Variants in TBC1D10A observed in about 807,000 individuals in gnomAD.
The protein encoded by TBC1D10A is TBC1 domain family member 10A, also known as EBP50-PDX interactor of 64 kDa.
A neutral mutation model predicts 52.9 loss-of-function variants in TBC1D10A; 24 were observed. The ratio of observed to expected loss-of-function variants is 0.45; its 90% confidence interval spans 0.33 to 0.64. The LOEUF (loss-of-function observed/expected upper bound fraction) is 0.64, where lower values mean the gene tolerates loss of function less well. TBC1D10A is among the 30% of genes least tolerant of loss of function. The pLI is 0.02. For synonymous variants in TBC1D10A, 278 were observed against 282.9 expected, an observed-to-expected ratio of 0.98 and a Z score of 0.17; for missense variants, 602 against 687.9, an observed-to-expected ratio of 0.88 and a Z score of 1.40.
Position 30,292,849 on chromosome 22 carries a change from C to T in TBC1D10A, c.1053G>A (p.Val351=). 1 of 1,610,904 alleles carries T rather than the reference C, an allele frequency of 6.2e-7. No homozygotes were observed. The highest frequency in any genetic ancestry group is 8.5e-7 in the Non-Finnish European group (1 of 1,179,898). ...GGCGCTCTGTCACGGGCAACTCCAC[C>T]ACCTGCAGGGGCAGTGACACAGGCA... ...IMQEAFLVQE[V]VELPVTERQI... The change falls in exon 9 of 9, where the codon GTG becomes GTA. Residue 351 remains valine (V), a splice_region_variant and synonymous_variant. Coordinates refer to ENST00000215790, the MANE Select transcript of TBC1D10A (RefSeq NM_031937.3).
chr22:30,316,189 C>A (rs1930532222), intron 1 of TBC1D10A, among the ~76,000 whole-genome samples: 1 of 152,216 alleles, frequency 6.6e-6, no homozygotes, highest in South Asian at 2.1e-4. Flanking sequence ...CGATCCTGCA[C>A]ACAAAGAGAA....
At chr22:30,301,162 A>G (rs1930194710) in intron 2 of TBC1D10A, among the ~76,000 whole-genome samples, 1 of 152,164 alleles carries the variant, frequency 6.6e-6, no homozygotes, top group Admixed American at 6.5e-5. Flanking sequence ...TACTTTCTAC[A>G]TCACCAGTGG....
At chr22:30,308,827 T>C (rs1930370387) in intron 1 of TBC1D10A, among the ~76,000 whole-genome samples, 1 of 152,222 alleles carries the variant, frequency 6.6e-6, no homozygotes, top group Non-Finnish European at 1.5e-5. Flanking sequence ...TTAGAAATTG[T>C]ACGTGTCCCT....
chr22:30,310,503 C>T (rs1930402697), intron 1 of TBC1D10A, among the ~76,000 whole-genome samples: 1 of 152,190 alleles, frequency 6.6e-6, no homozygotes, highest in Non-Finnish European at 1.5e-5. Context: ...AGCTCTACCG[C>T]TTTACAGCTG....
chr22:30,313,239 G>A (rs926770860), intron 1 of TBC1D10A, among the ~76,000 whole-genome samples: 14 of 152,168 alleles, frequency 9.2e-5, no homozygotes, highest in African/African-American at 2.7e-4. Context: ...GTTCTGCAGA[G>A]GCAGCATTTC....
At chr22:30,303,310 C>CAGACAGAT (rs1930244294) in intron 2 of TBC1D10A, among the ~76,000 whole-genome samples, 2 of 86,002 alleles carry the variant, frequency 2.3e-5, no homozygotes, top group Non-Finnish European at 6.1e-5. Context: ...GATAGATAGA[C>CAGACAGAT]AGACAGACAG....
chr22:30,310,705 TTTAA>T (rs2145777147), intron 1 of TBC1D10A, among the ~76,000 whole-genome samples: 1 of 152,330 alleles, frequency 6.6e-6, no homozygotes, highest in African/African-American at 2.4e-5. Flanking sequence ...AGGAAATAGC[TTTAA>T]TTATCTCCAT....
At chr22:30,303,230 G>T (rs1287833575) in intron 2 of TBC1D10A, among the ~76,000 whole-genome samples, 3 of 152,230 alleles carry the variant, frequency 2.0e-5, no homozygotes, top group African/African-American at 7.2e-5. Context: ...AGTGAGCCAA[G>T]ATCATACTGC....
At position 30,304,511 on chromosome 22, in the gene TBC1D10A, C is replaced by A; in HGVS notation, c.309+20G>T. Reference sequence around the variant, plus strand: ...CAAGCTGCCAACTCCCAGCCCAATACCTGAGGCCAGGCCCCTCACCTTTTT... The same window carrying A: ...CAAGCTGCCAACTCCCAGCCCAATAACTGAGGCCAGGCCCCTCACCTTTTT... On this transcript the variant is annotated intron_variant, in intron 2 of 8. Coordinates refer to ENST00000215790, the MANE Select transcript of TBC1D10A (RefSeq NM_031937.3). 3.1e-6 allele frequency: 5 copies of A among 1,614,066 alleles called. No individual in the cohort carries two copies. Among genetic ancestry groups the A allele is most frequent in the Non-Finnish European group, 4.2e-6 (5 of 1,179,946 alleles).
At chr22:30,296,804 A>T (rs1383351733) in intron 3 of TBC1D10A, 1 of 152,224 alleles carries the variant, frequency 6.6e-6, no homozygotes, top group Non-Finnish European at 1.5e-5. Context: ...TTCATACCTC[A>T]ATTTTTAAAA....
At position 30,293,681 on chromosome 22, in the gene TBC1D10A, C is replaced by A. The variant is rs369483547; in HGVS notation, c.1020G>T (p.Lys340Asn). 2 of 1,612,054 alleles carry A rather than the reference C, an allele frequency of 1.2e-6. No individual in the cohort carries two copies. Among genetic ancestry groups the A allele is most frequent in the African/African-American group, 1.3e-5 (1 of 74,926 alleles). The change falls in exon 8 of 9, where the codon AAG (lysine) becomes AAT (asparagine). Residue 340 changes from lysine to asparagine, a missense_variant. By Grantham distance (94) the Lys-to-Asn change is moderately conservative. Coordinates refer to ENST00000215790, the MANE Select transcript of TBC1D10A (RefSeq NM_031937.3). The stretch of plus-strand genomic sequence containing the variant: ...GGACCAGAAAGGCCTCCTGCATGAT[C>A]TTGGGGCTGAGGCTCCGCAGTCGCT... ...TIERLRSLSPKIMQEAFLVQE... is the reference protein window; with the variant it reads ...TIERLRSLSPNIMQEAFLVQE...
chr22:30,293,867 C>T (rs1569158586), intron 7 of TBC1D10A, 54 bp downstream of exon 7: 4 of 1,602,256 alleles, frequency 2.5e-6, no homozygotes, highest in Non-Finnish European at 3.4e-6. Context: ...CAAAGAGAGG[C>T]CCCACTGTGG....
At chr22:30,318,743 AG>A (rs1930589584) in intron 1 of TBC1D10A, 2 of 470,156 alleles carry the variant, frequency 4.3e-6, no homozygotes, top group African/African-American at 4.0e-5. Flanking sequence ...GACCTCTTCC[AG>A]GTCTCACCAC....
chr22:30,301,383 G>A (rs996765177), intron 2 of TBC1D10A, among the ~76,000 whole-genome samples: 1 of 152,202 alleles, frequency 6.6e-6, no homozygotes, highest in Non-Finnish European at 1.5e-5. Context: ...AAGAACATCT[G>A]GATGTGGGTT....
intron 1 of TBC1D10A, among the ~76,000 whole-genome samples, chr22:30,324,353 T>C (rs566738932): frequency 6.6e-6 from 1 of 152,136 alleles, no homozygotes; most frequent in African/African-American, 2.4e-5. Flanking sequence ...ATAAATTAAG[T>C]AGGGAACATC....
At position 30,297,959 on chromosome 22, in the gene TBC1D10A, C is replaced by T. The variant is rs981321618; in HGVS notation, c.417+1485G>A. The T allele has an allele frequency of 6.6e-6, 1 of 152,236 alleles. No individual in the cohort carries two copies. The highest frequency in any genetic ancestry group is 2.4e-5 in the African/African-American group (1 of 41,420). 9.4% of individuals were successfully genotyped at this position (152,236 alleles called of 1,614,324 possible). On this transcript the variant is annotated intron_variant, in intron 3 of 8. Coordinates refer to ENST00000215790, the MANE Select transcript of TBC1D10A (RefSeq NM_031937.3). The surrounding 1 kb of genome is among the most constrained non-coding windows in gnomAD (Gnocchi z 4.3). ...CAGCCCCCAGAACCATGCAGGAACC[C>T]GTCACTCAGCTTCGGTGCATCAAGA...
In TBC1D10A at chr22:30,294,807, T is replaced by C. The variant is rs1193414100; in HGVS notation, c.694A>G (p.Ser232Gly). 2 of 1,614,014 alleles carry C rather than the reference T, an allele frequency of 1.2e-6. No individual in the cohort carries two copies. The highest frequency in any genetic ancestry group is 8.5e-7 in the Non-Finnish European group (1 of 1,180,044). Residue 232 changes from serine (S) to glycine (G), a missense_variant, in exon 6 of 9, where the codon AGC becomes GGC. Transcript: ENST00000215790. ...ICEKYLPGYY[S>G]EKLEAIQLDG... is the part of the protein sequence containing the mutation. ...CAGGCGACACTCACCAGTTTCTCGC[T>C]GTAGTAGCCGGGCAGGTACTTCTCA... is the stretch of plus-strand genomic sequence containing the variant.
chr22:30,306,133 G>T (rs1462119618), intron 1 of TBC1D10A, among the ~76,000 whole-genome samples: 2 of 152,204 alleles, frequency 1.3e-5, no homozygotes, highest in Admixed American at 6.5e-5. Flanking sequence ...CACTGCTTAT[G>T]CAACAAGTCA....
At chr22:30,302,349 G>A (rs1378891425) in intron 2 of TBC1D10A, among the ~76,000 whole-genome samples, 5 of 152,140 alleles carry the variant, frequency 3.3e-5, no homozygotes, top group East Asian at 3.9e-4. Context: ...AGGGCCCTGC[G>A]GGAAGACAGC....
Sources: gnomAD v4.1 joint callset for allele counts (sites outside exome capture counted in the v4.1 genomes callset) on GRCh38, gnomAD v4.1.1 for gene constraint, Gnocchi (gnomAD v3.1) non-coding constraint, MANE v1.5 for transcripts, NCBI Gene and HGNC (gene_info 2026-07-23, HGNC 2026-07-21) for gene names.